The following CENPE variants were observed in gnomAD, a reference collection of about 807,000 sequenced individuals.
The protein encoded by CENPE is centromere-associated protein E.
Under a neutral mutation model 336.1 loss-of-function variants are expected in CENPE, and 145 were observed. That is an observed-to-expected ratio of 0.43 (90% CI 0.38 to 0.50). CENPE has a LOEUF of 0.50. Ranked by LOEUF, CENPE falls within the 20% of genes least tolerant of loss-of-function variation. The probability of loss-of-function intolerance (pLI) is 0.00; values close to 1 mark genes in which losing one functional copy is unlikely to be tolerated. For synonymous variants in CENPE, 1,013 were observed against 984.8 expected (o/e 1.03, Z -0.54); for missense variants, 2,719 against 3,023.3 (o/e 0.90, Z 2.36).
intron 46 of CENPE, among the ~76,000 whole-genome samples, chr4:103,112,126 G>T (rs1749494161): frequency 6.6e-6 from 1 of 151,174 alleles, no homozygotes; most frequent in South Asian, 2.1e-4. Flanking sequence ...CCATATATAT[G>T]TGTGAGCATA....
chr4:103,185,870 T>C lies in CENPE; in HGVS notation c.694-9A>G, dbSNP rs530683801. The C allele has an allele frequency of 1.2e-5, 19 of 1,595,724 alleles. No individual in the cohort carries two copies. The highest frequency in any genetic ancestry group is 1.7e-5 in the Admixed American group (1 of 58,850). On this transcript the variant is annotated splice_polypyrimidine_tract_variant and intron_variant, in intron 8 of 48. Coordinates refer to ENST00000265148, the MANE Select transcript of CENPE (RefSeq NM_001813.3). The stretch of plus-strand genomic sequence containing the variant: ...GCAAGATCAACCAAATTCTGTAAGA[T>C]AGATAAAAATAAATCCTTAGGGCAG...
intron 8 of CENPE, 27 bp downstream of exon 8, chr4:103,194,202 A>G (rs1382914596): frequency 1.3e-6 from 2 of 1,579,998 alleles, no homozygotes; most frequent in African/African-American, 2.7e-5. Flanking sequence ...CCCATACAGT[A>G]CATTATTATG....
chr4:103,195,278 T>C (rs759562754), intron 4 of CENPE, 45 bp from the exon 5 acceptor site: 1 of 1,524,778 alleles, frequency 6.6e-7, no homozygotes, highest in East Asian at 2.4e-5. Flanking sequence ...AGCATCCAAT[T>C]GTGAAAACCT....
Position 103,127,662 on chromosome 4 carries a change from T to C in CENPE, c.6925-4573A>G, listed in dbSNP as rs145864857. Among the ~76,000 whole-genome samples, 9 of 152,320 alleles carry C rather than the reference T, an allele frequency of 5.9e-5. No homozygotes were observed. In the East Asian group the frequency reaches 1.7e-3, roughly 29 times the overall value. ...GGGAGAAATTATAAATATTTTGTTA[T>C]TATAAGGTACTTATATTATCTGTGA... On this transcript the variant is annotated intron_variant, in intron 42 of 48. Coordinates refer to ENST00000265148, the MANE Select transcript of CENPE (RefSeq NM_001813.3).
At chr4:103,115,348 G>C (rs1324240716) in intron 45 of CENPE, among the ~76,000 whole-genome samples, 3 of 152,008 alleles carry the variant, frequency 2.0e-5, no homozygotes, top group African/African-American at 7.2e-5. Flanking sequence ...TGGCCAGACT[G>C]GTCTCAAATT....
chr4:103,113,266 A>G (rs1019191232), intron 46 of CENPE, among the ~76,000 whole-genome samples: 1 of 142,038 alleles, frequency 7.0e-6, no homozygotes, highest in Non-Finnish European at 1.5e-5. Context: ...AAGTGTATAC[A>G]TATATATGTA....
intron 13 of CENPE, among the ~76,000 whole-genome samples, chr4:103,177,761 CCTCT>C (rs1755996414): frequency 1.3e-5 from 2 of 151,830 alleles, no homozygotes; most frequent in South Asian, 2.1e-4. Context: ...TACTGTCATG[CCTCT>C]CTGAGTGCTG....
chr4:103,194,542 G>A (rs1012632449), intron 6 of CENPE, 61 bp downstream of exon 6: 129 of 1,478,254 alleles, frequency 8.7e-5, no homozygotes, highest in Middle Eastern at 5.3e-4. Context: ...AGGTCCAAAC[G>A]TGCTTGATTG....
At chr4:103,186,152 C>T (rs1390244141) in intron 8 of CENPE, among the ~76,000 whole-genome samples, 1 of 152,160 alleles carries the variant, frequency 6.6e-6, no homozygotes, top group African/African-American at 2.4e-5. Context: ...TGCACTGCTC[C>T]AACTTTGTAT....
At chr4:103,108,060 CT>C (rs1749049264) in intron 48 of CENPE, among the ~76,000 whole-genome samples, 1 of 152,132 alleles carries the variant, frequency 6.6e-6, no homozygotes, top group Admixed American at 6.5e-5. Flanking sequence ...AACTCTTCCC[CT>C]GGTCATGTTC....
intron 26 of CENPE, among the ~76,000 whole-genome samples, chr4:103,149,927 T>C (rs1753398331): frequency 6.6e-6 from 1 of 152,166 alleles, no homozygotes; most frequent in Non-Finnish European, 1.5e-5. Context: ...TTGTAAGCCA[T>C]CAAGTTTACA....
Position 103,195,171 on chromosome 4 carries a change from T to G in CENPE, c.420A>C (p.Thr140=). 1 of 1,592,834 alleles carries G rather than the reference T, an allele frequency of 6.3e-7. No homozygotes were observed. Among genetic ancestry groups the G allele is most frequent in the East Asian group, 2.3e-5 (1 of 44,124 alleles). ...TTTTTTGAGTGCCACAGAGTAAATC[T>G]GTAATGGTTTCATTGTATATTTCCA... The part of the protein sequence containing the change: ...SYMEIYNETI[T]DLLCGTQKMK... Residue 140 remains threonine (T), a synonymous_variant, in exon 5 of 49, where the codon ACA becomes ACC. Transcript: ENST00000265148.
At chr4:103,194,890 C>T (rs769202532) in intron 5 of CENPE, among the ~76,000 whole-genome samples, 60 of 152,108 alleles carry the variant, frequency 3.9e-4, no homozygotes, top group Non-Finnish European at 7.5e-4. Context: ...TAACCTGATA[C>T]TTCCAACTTG....
chr4:103,146,153 T>C (rs777787260), intron 29 of CENPE, 46 bp from the exon 30 acceptor site: 1 of 1,547,094 alleles, frequency 6.5e-7, no homozygotes, highest in South Asian at 1.2e-5. Context: ...AGAGATATTG[T>C]GTTTTAGGGG....
chr4:103,133,887 C>A lies in CENPE; in HGVS notation c.6528G>T (p.Val2176=). The A allele has an allele frequency of 1.3e-6, 2 of 1,562,618 alleles. No individual in the cohort carries two copies. Among genetic ancestry groups the A allele is most frequent in the Non-Finnish European group, 1.7e-6 (2 of 1,147,174 alleles). The change falls in exon 41 of 49, where the codon GTG becomes GTT. Residue 2176 remains valine, a synonymous_variant. Transcript: ENST00000265148. ...FHRIMKKLKY[V]LSYVTKIKEE... ...CTTTTATTTTTGTAACATAGCTTAACACATACTTGCAGAAAAAAATTAAAC... is the reference window on the plus strand; with the variant it reads ...CTTTTATTTTTGTAACATAGCTTAAAACATACTTGCAGAAAAAAATTAAAC...
At chr4:103,111,192 C>A (rs1749385375) in intron 46 of CENPE, among the ~76,000 whole-genome samples, 181 bp from the exon 47 acceptor site, 2 of 152,174 alleles carry the variant, frequency 1.3e-5, no homozygotes, top group Admixed American at 1.3e-4. Flanking sequence ...TTTGACCAAC[C>A]ATTAATTCTA....
intron 29 of CENPE, 111 bp downstream of exon 29, chr4:103,147,245 T>C (rs1231349386): frequency 1.1e-6 from 1 of 932,666 alleles, no homozygotes; most frequent in Non-Finnish European, 1.6e-6. Flanking sequence ...TTAAGAGACA[T>C]TAAAAAAACT....
intron 32 of CENPE, 138 bp downstream of exon 32, chr4:103,144,912 A>G (rs1752881674): frequency 2.8e-6 from 2 of 723,416 alleles, no homozygotes; most frequent in Non-Finnish European, 4.2e-6. Flanking sequence ...GTTGAATATA[A>G]GCAGTTTTTG....
At chr4:103,189,970 A>T (rs1757152122) in intron 8 of CENPE, among the ~76,000 whole-genome samples, 1 of 152,194 alleles carries the variant, frequency 6.6e-6, no homozygotes, top group Admixed American at 6.5e-5. Context: ...CAATGTGCAA[A>T]AATCACAAGC....
Sources: allele counts gnomAD v4.1 joint callset (sites outside exome capture counted in the v4.1 genomes callset), GRCh38; gene constraint gnomAD v4.1.1; transcripts MANE v1.5; gene names NCBI Gene and HGNC (gene_info 2026-07-23, HGNC 2026-07-21).